STXBP5L: variants seen among roughly 807,000 people sequenced by gnomAD.
STXBP5L encodes the protein syntaxin binding protein 5L, also known as syntaxin-binding protein 5-like.
Under a neutral mutation model 144.5 loss-of-function variants are expected in STXBP5L, and 65 were observed. The ratio of observed to expected loss-of-function variants is 0.45; its 90% confidence interval spans 0.37 to 0.55. The LOEUF (loss-of-function observed/expected upper bound fraction) is 0.55. STXBP5L is among the 20% of genes least tolerant of loss of function. The probability of loss-of-function intolerance (pLI) is 0.00; values close to 1 mark genes in which losing one functional copy is unlikely to be tolerated. For missense variants in STXBP5L, 1,298 were observed against 1,405.5 expected, an observed-to-expected ratio of 0.92 and a Z score of 1.22; for synonymous variants, 505 against 469.6, an observed-to-expected ratio of 1.08 and a Z score of -0.97.
chr3:120,918,281 G>A (rs1709200827), intron 2 of STXBP5L, among the ~76,000 whole-genome samples: 1 of 152,116 alleles, frequency 6.6e-6, no homozygotes, highest in Non-Finnish European at 1.5e-5. Flanking sequence ...CATTCCATCT[G>A]CAACCTTAAT....
intron 18 of STXBP5L, among the ~76,000 whole-genome samples, chr3:121,262,627 A>T (rs1207682699): frequency 6.6e-6 from 1 of 152,178 alleles, no homozygotes; most frequent in African/African-American, 2.4e-5. Flanking sequence ...CATCTCAAAA[A>T]AAAAAGTCAC....
At chr3:121,210,152 T>A (rs1386269422) in intron 10 of STXBP5L, among the ~76,000 whole-genome samples, 1 of 152,232 alleles carries the variant, frequency 6.6e-6, no homozygotes, top group East Asian at 1.9e-4. Flanking sequence ...GGTATCTCAT[T>A]GTGGTTTTGA....
At chr3:121,094,804 A>G (rs866646858) in intron 5 of STXBP5L, among the ~76,000 whole-genome samples, 1 of 151,760 alleles carries the variant, frequency 6.6e-6, no homozygotes, top group Non-Finnish European at 1.5e-5. Context: ...TGTGAATTTG[A>G]ACCTTTCATT....
At chr3:120,978,259 TC>T (rs1437641393) in intron 3 of STXBP5L, among the ~76,000 whole-genome samples, 3 of 152,202 alleles carry the variant, frequency 2.0e-5, no homozygotes, top group Non-Finnish European at 2.9e-5. Flanking sequence ...TATTCTTTTT[TC>T]TCTAAACTTC....
intron 3 of STXBP5L, among the ~76,000 whole-genome samples, chr3:120,987,681 A>C: frequency 6.6e-6 from 1 of 151,818 alleles, no homozygotes; most frequent in East Asian, 1.9e-4. Flanking sequence ...TTAGCTCTGA[A>C]TATTGATGAT....
intron 11 of STXBP5L, among the ~76,000 whole-genome samples, chr3:121,226,426 C>A (rs754479799): frequency 1.3e-5 from 2 of 152,086 alleles, no homozygotes; most frequent in East Asian, 3.9e-4. Context: ...AGGGGGGCCC[C>A]GTTACTATTT....
At chr3:121,104,629 CA>C (rs921990856) in intron 5 of STXBP5L, among the ~76,000 whole-genome samples, 1 of 152,036 alleles carries the variant, frequency 6.6e-6, no homozygotes, top group African/African-American at 2.4e-5. Context: ...ACAAACCAAA[CA>C]AAAACATAAA....
chr3:121,004,125 A>G (rs1295201694), intron 3 of STXBP5L, among the ~76,000 whole-genome samples: 4 of 152,174 alleles, frequency 2.6e-5, no homozygotes, highest in Admixed American at 6.5e-5. Context: ...CACTGAATCT[A>G]TAAATTACCT....
chr3:121,216,873 G>A (rs2048795582), intron 10 of STXBP5L, among the ~76,000 whole-genome samples: 1 of 152,172 alleles, frequency 6.6e-6, no homozygotes, highest in African/African-American at 2.4e-5. Context: ...TTTCAGAGAT[G>A]CCCTGCCCAG....
chr3:121,247,283 G>A (rs1366329256), intron 14 of STXBP5L, among the ~76,000 whole-genome samples: 1 of 152,120 alleles, frequency 6.6e-6, no homozygotes. Context: ...TATGTAGTTT[G>A]AGTTCTCCAA....
chr3:121,206,038 G>A, intron 10 of STXBP5L, 37 bp downstream of exon 10: 1 of 1,290,972 alleles, frequency 7.7e-7, no homozygotes, highest in South Asian at 1.7e-5. Context: ...GGGATACGAA[G>A]CAGAGACAAA....
At chr3:120,968,485 C>T (rs770778257) in intron 3 of STXBP5L, among the ~76,000 whole-genome samples, 1 of 152,056 alleles carries the variant, frequency 6.6e-6, no homozygotes, top group Non-Finnish European at 1.5e-5. Context: ...TCAGTTTGTG[C>T]ATGTCTATAC....
chr3:121,233,896 A>G (rs1375802068), intron 12 of STXBP5L, among the ~76,000 whole-genome samples: 1 of 152,188 alleles, frequency 6.6e-6, no homozygotes, highest in Admixed American at 6.5e-5. Flanking sequence ...GCAGCACCTG[A>G]TGTTTGGACA....
At chr3:121,341,688 C>G (rs2044719048) in intron 20 of STXBP5L, among the ~76,000 whole-genome samples, 1 of 151,902 alleles carries the variant, frequency 6.6e-6, no homozygotes, top group Non-Finnish European at 1.5e-5. Flanking sequence ...TCAACCACAC[C>G]AAAGAGAGAG....
intron 5 of STXBP5L, among the ~76,000 whole-genome samples, chr3:121,071,361 G>T (rs966324912): frequency 6.6e-6 from 1 of 152,214 alleles, no homozygotes; most frequent in Non-Finnish European, 1.5e-5. Context: ...TTCTGTTTGT[G>T]TGACTAGAGC....
intron 3 of STXBP5L, among the ~76,000 whole-genome samples, chr3:120,971,287 G>C (rs1198439576): frequency 1.3e-5 from 2 of 151,852 alleles, no homozygotes; most frequent in Non-Finnish European, 2.9e-5. Flanking sequence ...TGGATATATT[G>C]AGTAGTGGAG....
intron 14 of STXBP5L, among the ~76,000 whole-genome samples, chr3:121,242,352 A>G (rs928322435): frequency 6.6e-6 from 1 of 152,178 alleles, no homozygotes; most frequent in African/African-American, 2.4e-5. Context: ...CTAAATGTGT[A>G]TAGAGGAGAT....
At chr3:120,924,930 TG>T (rs1359753690) in intron 2 of STXBP5L, 1 of 152,436 alleles carries the variant, frequency 6.6e-6, no homozygotes, top group Admixed American at 6.5e-5. Flanking sequence ...CAGGATGGTC[TG>T]GATCTCCTGA....
chr3:121,371,249 C>T (rs1482944410), intron 20 of STXBP5L, among the ~76,000 whole-genome samples: 1 of 152,180 alleles, frequency 6.6e-6, no homozygotes, highest in Non-Finnish European at 1.5e-5. Flanking sequence ...CAGCTAACTA[C>T]TTTCTTCATT....
Sources: gnomAD v4.1 joint callset for allele counts (sites outside exome capture counted in the v4.1 genomes callset) on GRCh38, gnomAD v4.1.1 for gene constraint, MANE v1.5 for transcripts, NCBI Gene and HGNC (gene_info 2026-07-23, HGNC 2026-07-21) for gene names.